GALNTL6: variants seen among roughly 807,000 people sequenced by gnomAD.
The protein encoded by GALNTL6 is polypeptide N-acetylgalactosaminyltransferase-like 6.
GALNTL6 carries 46 observed loss-of-function variants against 73.7 expected under a neutral mutation model. The observed-to-expected ratio is 0.62, with a 90% CI of 0.49 to 0.80. The LOEUF is 0.80. GALNTL6 is among the 30% of genes least tolerant of loss of function. GALNTL6 has a pLI of 0.00. For synonymous variants in GALNTL6, 259 were observed against 263.7 expected (o/e 0.98, Z 0.17); for missense variants, 604 against 755.0 (o/e 0.80, Z 2.34).
intron 5 of GALNTL6, among the ~76,000 whole-genome samples, chr4:172,770,530 AAAGTT>A (rs1451984184): frequency 6.6e-6 from 1 of 152,206 alleles, no homozygotes; most frequent in African/African-American, 2.4e-5. Context: ...CCTACCAAGA[AAAGTT>A]AAGGGTACAC....
intron 8 of GALNTL6, among the ~76,000 whole-genome samples, chr4:172,902,207 A>G (rs1304528949): frequency 2.0e-5 from 3 of 152,046 alleles, no homozygotes; most frequent in African/African-American, 7.3e-5. Context: ...TACTAAAATG[A>G]TATTAAAACC....
intron 10 of GALNTL6, among the ~76,000 whole-genome samples, chr4:172,962,708 G>A (rs190756617): frequency 6.6e-6 from 1 of 152,250 alleles, no homozygotes; most frequent in Non-Finnish European, 1.5e-5. Context: ...ACTTGGAACA[G>A]TTTTCCACCT....
intron 3 of GALNTL6, among the ~76,000 whole-genome samples, chr4:172,265,805 C>G (rs1007001459): frequency 6.6e-6 from 1 of 151,768 alleles, no homozygotes; most frequent in South Asian, 2.1e-4. Context: ...ATAGATTAAT[C>G]AAACATAGTA....
At chr4:172,697,566 T>C (rs1322910584) in intron 5 of GALNTL6, among the ~76,000 whole-genome samples, 2 of 152,078 alleles carry the variant, frequency 1.3e-5, no homozygotes, top group Non-Finnish European at 2.9e-5. Flanking sequence ...AGGAAAGCAA[T>C]GGATTACAAG....
chr4:172,680,447 G>T (rs913539272), intron 5 of GALNTL6, among the ~76,000 whole-genome samples: 1 of 151,940 alleles, frequency 6.6e-6, no homozygotes, highest in African/African-American at 2.4e-5. Context: ...AAGGAGGGGG[G>T]AAAGAATCTG....
intron 2 of GALNTL6, among the ~76,000 whole-genome samples, chr4:171,867,276 T>A (rs1274582562): frequency 6.6e-6 from 1 of 152,188 alleles, no homozygotes; most frequent in African/African-American, 2.4e-5. Context: ...TAATTCAATG[T>A]TTCCCAATTC....
chr4:172,615,114 G>A (rs1420694258), intron 5 of GALNTL6, among the ~76,000 whole-genome samples: 1 of 150,974 alleles, frequency 6.6e-6, no homozygotes, highest in East Asian at 1.9e-4. Flanking sequence ...TAGGGTATTA[G>A]CACACCTGCT....
chr4:171,884,535 GTA>G (rs1435143217), intron 2 of GALNTL6, among the ~76,000 whole-genome samples: 1 of 151,402 alleles, frequency 6.6e-6, no homozygotes, highest in Non-Finnish European at 1.5e-5. Flanking sequence ...TACATATATA[GTA>G]TATATAACTA....
chr4:171,907,609 A>G (rs1292707382), intron 2 of GALNTL6, among the ~76,000 whole-genome samples: 101 of 152,108 alleles, frequency 6.6e-4, no homozygotes, highest in African/African-American at 2.2e-3. Flanking sequence ...CCATCAAGCT[A>G]CCAATGACTT....
rs1360103467 is a variant in GALNTL6 at position 171,823,952 on chromosome 4, AAAC to A, written c.138+9240_138+9242del. On this transcript the variant is annotated intron_variant, in intron 2 of 12. Coordinates refer to ENST00000506823, the MANE Select transcript of GALNTL6 (RefSeq NM_001034845.3). Reference sequence around the variant, plus strand: ...ATAAAAGGATAAAGTGATTATAATAAAACAACAATAAAAGTAAAAATAAAAGTC... The same window carrying A: ...ATAAAAGGATAAAGTGATTATAATAAAACAATAAAAGTAAAAATAAAAGTC... Among the ~76,000 whole-genome samples the A allele has an allele frequency of 4.0e-5, 6 of 150,838 alleles. 1 individual carries two copies. In the South Asian group the frequency reaches 1.3e-3, roughly 31 times the overall value.
chr4:172,160,892 ACAC>A (rs1169463585), intron 2 of GALNTL6, among the ~76,000 whole-genome samples: 1 of 99,914 alleles, frequency 1.0e-5, no homozygotes, highest in South Asian at 2.7e-4. Context: ...ATATATATAG[ACAC>A]ACACACACAC....
intron 2 of GALNTL6, among the ~76,000 whole-genome samples, chr4:172,069,488 C>CATATATGTTATATATAACACAT (rs34495647): frequency 5.8e-5 from 4 of 69,206 alleles, no homozygotes; most frequent in Non-Finnish European, 1.2e-4. Context: ...ATATATAACA[C>CATATATGTTATATATAACACAT]ATATGTTATA....
intron 5 of GALNTL6, among the ~76,000 whole-genome samples, chr4:172,711,781 A>G (rs1466218778): frequency 6.6e-6 from 1 of 152,174 alleles, no homozygotes; most frequent in Non-Finnish European, 1.5e-5. Context: ...ACAGGCACAA[A>G]GTCAACATAC....
chr4:172,640,959 A>T (rs546716289), intron 5 of GALNTL6, among the ~76,000 whole-genome samples: 1 of 151,996 alleles, frequency 6.6e-6, no homozygotes, highest in African/African-American at 2.4e-5. Flanking sequence ...CCCCACAGCC[A>T]TCTCTGTCTT....
rs562415914 is a variant in GALNTL6, at chr4:172,790,352, A to T, written c.554-19009A>T. Among the ~76,000 whole-genome samples the T allele has an allele frequency of 3.9e-5, 6 of 152,300 alleles. No homozygotes were observed. The South Asian group carries it at 1.2e-3, about 32-fold the overall frequency. The stretch of plus-strand genomic sequence containing the variant: ...ATTAAGAATGTAACTCGGGTGTTGT[A>T]TGAGGTCATACAGGTGGACCCCTAA... On this transcript the variant is annotated intron_variant, in intron 5 of 12. Coordinates refer to ENST00000506823, the MANE Select transcript of GALNTL6 (RefSeq NM_001034845.3).
At chr4:172,745,997 C>T (rs1737088469) in intron 5 of GALNTL6, among the ~76,000 whole-genome samples, 1 of 151,958 alleles carries the variant, frequency 6.6e-6, no homozygotes, top group Non-Finnish European at 1.5e-5. Context: ...TGTTACAAAA[C>T]CTATGGGCCA....
chr4:172,058,747 G>A (rs1399209564), intron 2 of GALNTL6, among the ~76,000 whole-genome samples: 1 of 151,996 alleles, frequency 6.6e-6, no homozygotes, highest in East Asian at 1.9e-4. Flanking sequence ...CTTTTTTATA[G>A]TATAATGATC....
At chr4:171,908,015 A>C (rs900293024) in intron 2 of GALNTL6, among the ~76,000 whole-genome samples, 1 of 152,018 alleles carries the variant, frequency 6.6e-6, no homozygotes, top group African/African-American at 2.4e-5. Context: ...TAAAGACTTA[A>C]ACGTTAGACC....
intron 10 of GALNTL6, among the ~76,000 whole-genome samples, chr4:173,000,876 T>A (rs55843141): frequency 0.027 from 4,141 of 152,258 alleles, 91 homozygotes; most frequent in Non-Finnish European, 0.045. Flanking sequence ...GAATTATGTC[T>A]CCCCAAAATT....
Sources: gnomAD v4.1 joint callset for allele counts (sites outside exome capture counted in the v4.1 genomes callset) on GRCh38, gnomAD v4.1.1 for gene constraint, MANE v1.5 for transcripts, NCBI Gene and HGNC (gene_info 2026-07-23, HGNC 2026-07-21) for gene names.